The following PLCB4 variants were observed in gnomAD, a reference collection of about 807,000 sequenced individuals.
The protein encoded by PLCB4 is 1-phosphatidylinositol 4,5-bisphosphate phosphodiesterase beta-4.
PLCB4 carries 77 observed loss-of-function variants against 178.8 expected under a neutral mutation model. The ratio of observed to expected loss-of-function variants is 0.43; its 90% CI spans 0.36 to 0.52. PLCB4 has a LOEUF of 0.52. PLCB4 is among the 20% of genes least tolerant of loss of function. The probability of loss-of-function intolerance (pLI) is 0.00; values close to 1 mark genes in which losing one functional copy is unlikely to be tolerated. For missense variants in PLCB4, 1,024 were observed against 1,453.4 expected (o/e 0.70, Z 4.80); for synonymous variants, 496 against 490.8 (o/e 1.01, Z -0.14).
chr20:9,392,617 C>A (rs940282023), intron 17 of PLCB4, among the ~76,000 whole-genome samples: 1 of 152,132 alleles, frequency 6.6e-6, no homozygotes, highest in Non-Finnish European at 1.5e-5. Context: ...GGGAATAAGA[C>A]CTGCTCCAAA....
At chr20:9,199,381 G>A (rs1406713792) in intron 2 of PLCB4, among the ~76,000 whole-genome samples, 1 of 152,168 alleles carries the variant, frequency 6.6e-6, no homozygotes, top group Non-Finnish European at 1.5e-5. Flanking sequence ...TTATTAAACA[G>A]TGTAGAAACC....
intron 29 of PLCB4, among the ~76,000 whole-genome samples, chr20:9,436,474 C>T (rs578082773): frequency 2.6e-5 from 4 of 152,340 alleles, no homozygotes; most frequent in South Asian, 4.1e-4. Flanking sequence ...ACCTCAGCCT[C>T]CTCAGCAGTT....
At chr20:9,194,261 G>T (rs556676394) in intron 2 of PLCB4, among the ~76,000 whole-genome samples, 3 of 152,140 alleles carry the variant, frequency 2.0e-5, no homozygotes, top group Admixed American at 6.5e-5. Context: ...CTAATTAATA[G>T]ATAGGCCTTA....
chr20:9,072,975 C>T (rs1276069694), intron 1 of PLCB4, among the ~76,000 whole-genome samples: 2 of 152,202 alleles, frequency 1.3e-5, no homozygotes, highest in Non-Finnish European at 2.9e-5. Context: ...ATGTCACACA[C>T]CATGTGACCA....
intron 32 of PLCB4, among the ~76,000 whole-genome samples, chr20:9,452,120 G>A (rs1375918291): frequency 6.6e-6 from 1 of 152,180 alleles, no homozygotes; most frequent in African/African-American, 2.4e-5. Flanking sequence ...CAAGAATGCT[G>A]AGGCCTTGTG....
At chr20:9,192,572 C>A (rs2093419210) in intron 2 of PLCB4, among the ~76,000 whole-genome samples, 1 of 141,448 alleles carries the variant, frequency 7.1e-6, no homozygotes, top group Admixed American at 7.4e-5. Flanking sequence ...GTCACCCAGG[C>A]TGGAGTGCAG....
At chr20:9,449,296 A>G (rs888595420) in intron 32 of PLCB4, among the ~76,000 whole-genome samples, 22 of 152,160 alleles carry the variant, frequency 1.4e-4, no homozygotes, top group African/African-American at 4.6e-4. Context: ...CCAAAAATGT[A>G]AAACCCAAAG....
chr20:9,184,833 C>T (rs1359789525), intron 2 of PLCB4, among the ~76,000 whole-genome samples: 1 of 152,164 alleles, frequency 6.6e-6, no homozygotes, highest in Non-Finnish European at 1.5e-5. Context: ...GTAAAATACT[C>T]TAGTTTTTTT....
At chr20:9,211,454 C>T (rs6140897) in intron 2 of PLCB4, among the ~76,000 whole-genome samples, 3 of 152,160 alleles carry the variant, frequency 2.0e-5, no homozygotes, top group African/African-American at 7.2e-5. Flanking sequence ...TGCCTCAGAC[C>T]TACAGTCAAA....
At chr20:9,404,793 T>C (rs1027048145) in intron 20 of PLCB4, among the ~76,000 whole-genome samples, 9 of 152,140 alleles carry the variant, frequency 5.9e-5, no homozygotes, top group African/African-American at 2.2e-4. Context: ...GGGGGCCTTC[T>C]TCGTGTTTAT....
intron 2 of PLCB4, among the ~76,000 whole-genome samples, chr20:9,098,299 C>G (rs139750485): frequency 4.6e-5 from 7 of 152,144 alleles, no homozygotes; most frequent in African/African-American, 1.7e-4. Flanking sequence ...AATTATTAAA[C>G]CTTGATCATC....
chr20:9,121,751 A>T (rs1053170766), intron 2 of PLCB4, among the ~76,000 whole-genome samples: 1 of 152,218 alleles, frequency 6.6e-6, no homozygotes, highest in Non-Finnish European at 1.5e-5. Flanking sequence ...TGGGTAAAGG[A>T]CATCAGTTTC....
chr20:9,256,201 C>G (rs1221900913), intron 3 of PLCB4, among the ~76,000 whole-genome samples: 8 of 151,982 alleles, frequency 5.3e-5, no homozygotes. Context: ...CTTTGTTGTC[C>G]CTTGTAACAA....
intron 2 of PLCB4, among the ~76,000 whole-genome samples, chr20:9,142,651 T>C (rs2092516414): frequency 6.6e-6 from 1 of 152,168 alleles, no homozygotes; most frequent in African/African-American, 2.4e-5. Context: ...AAGCAGTTTG[T>C]ATTGCTGGTA....
intron 3 of PLCB4, among the ~76,000 whole-genome samples, chr20:9,228,792 G>A (rs775850826): frequency 2.6e-5 from 4 of 152,182 alleles, no homozygotes; most frequent in Non-Finnish European, 4.4e-5. Flanking sequence ...GAGGAAGAAA[G>A]AAATGGGCTA....
At position 9,380,173 on chromosome 20, in the gene PLCB4, T is replaced by G; in HGVS notation, c.853+11T>G. On this transcript the variant is annotated intron_variant, in intron 13 of 39. Transcript: ENST00000378473. ...ATTTGAAGAAAAAAGGTAATAAACA[T>G]GAAAAAAGGACTTAAAAAAAAAAAC... 7.9e-7 allele frequency: 1 copy of G among 1,268,748 alleles called. No homozygotes were observed. The highest frequency in any genetic ancestry group is 1.1e-6 in the Non-Finnish European group (1 of 906,136). 78.6% of individuals were successfully genotyped at this position (1,268,748 alleles called of 1,614,324 possible).
At chr20:9,170,582 G>A (rs1228078760) in intron 2 of PLCB4, among the ~76,000 whole-genome samples, 1 of 152,162 alleles carries the variant, frequency 6.6e-6, no homozygotes, top group Admixed American at 6.6e-5. Flanking sequence ...TTGTGTTTGA[G>A]GATACAGTAA....
At chr20:9,469,982 G>C (rs2044072696) in intron 36 of PLCB4, among the ~76,000 whole-genome samples, 1 of 152,144 alleles carries the variant, frequency 6.6e-6, no homozygotes, top group Admixed American at 6.5e-5. Context: ...CTTCTTTTGG[G>C]GGAATAATAC....
chr20:9,318,057 G>A (rs1213911496), intron 4 of PLCB4, among the ~76,000 whole-genome samples: 2 of 152,086 alleles, frequency 1.3e-5, no homozygotes, highest in East Asian at 3.9e-4. Context: ...GGCTGAAGCA[G>A]AAGAATCACT....
Sources: gnomAD v4.1 joint callset for allele counts (sites outside exome capture counted in the v4.1 genomes callset) on GRCh38, gnomAD v4.1.1 for gene constraint, MANE v1.5 for transcripts, NCBI Gene and HGNC (gene_info 2026-07-23, HGNC 2026-07-21) for gene names.